PTPRM: variants seen among roughly 807,000 people sequenced by gnomAD.
PTPRM encodes receptor-type tyrosine-protein phosphatase mu.
Under a neutral mutation model 186.7 loss-of-function variants are expected in PTPRM, and 47 were observed. That is an observed-to-expected ratio of 0.25 (90% CI 0.20 to 0.32). The LOEUF is 0.32. PTPRM is among the 10% of genes least tolerant of loss of function. The pLI, the probability that PTPRM is intolerant of heterozygous loss-of-function variation, is 1.00. For missense variants in PTPRM, 1,494 were observed against 1,865.0 expected (o/e 0.80, Z 3.66); for synonymous variants, 668 against 674.9 (o/e 0.99, Z 0.16).
chr18:8,084,380 G>A (rs990400998), intron 9 of PTPRM, among the ~76,000 whole-genome samples: 2 of 152,120 alleles, frequency 1.3e-5, no homozygotes, highest in Non-Finnish European at 2.9e-5. Context: ...GCCACTAGGG[G>A]GTAGATTGGC....
At chr18:8,098,447 A>G (rs894157058) in intron 11 of PTPRM, among the ~76,000 whole-genome samples, 1 of 152,194 alleles carries the variant, frequency 6.6e-6, no homozygotes, top group African/African-American at 2.4e-5. Flanking sequence ...CATTTATTAC[A>G]GATAAGAAGA....
chr18:8,400,517 G>T (rs1475396718), intron 32 of PTPRM, among the ~76,000 whole-genome samples: 1 of 152,222 alleles, frequency 6.6e-6, no homozygotes, highest in Non-Finnish European at 1.5e-5. Context: ...GGATAGACGT[G>T]CCACACGGCT....
At chr18:8,311,913 GCAGCACT>G in intron 20 of PTPRM, among the ~76,000 whole-genome samples, 1 of 152,172 alleles carries the variant, frequency 6.6e-6, no homozygotes, top group African/African-American at 2.4e-5. Context: ...CAGGGAATGA[GCAGCACT>G]CATCCTGAGG....
At chr18:7,642,297 C>G (rs986965917) in intron 1 of PTPRM, among the ~76,000 whole-genome samples, 1 of 152,142 alleles carries the variant, frequency 6.6e-6, no homozygotes, top group Non-Finnish European at 1.5e-5. Flanking sequence ...CATTAAACTC[C>G]TTCCAGAGAA....
At chr18:8,098,774 C>A (rs1600552995) in intron 11 of PTPRM, among the ~76,000 whole-genome samples, 1 of 152,238 alleles carries the variant, frequency 6.6e-6, no homozygotes, top group East Asian at 1.9e-4. Flanking sequence ...CCCTCCCCTC[C>A]TTTTCGCTTT....
intron 2 of PTPRM, among the ~76,000 whole-genome samples, chr18:7,841,919 A>G (rs2046345455): frequency 7.1e-6 from 1 of 141,736 alleles, no homozygotes; most frequent in South Asian, 2.4e-4. Flanking sequence ...AGATATAAAT[A>G]TGACAATTTA....
chr18:8,009,576 C>T (rs1025284899), intron 7 of PTPRM, among the ~76,000 whole-genome samples: 7 of 152,006 alleles, frequency 4.6e-5, no homozygotes, highest in Non-Finnish European at 2.9e-5. Context: ...GGCATGGTGG[C>T]GCACGCCTGT....
At chr18:7,687,842 A>G (rs1241038825) in intron 1 of PTPRM, among the ~76,000 whole-genome samples, 10 of 151,038 alleles carry the variant, frequency 6.6e-5, no homozygotes, top group Admixed American at 1.3e-4. Flanking sequence ...CAGTGGTGCA[A>G]TCTCGGCTCA....
intron 1 of PTPRM, among the ~76,000 whole-genome samples, chr18:7,577,791 G>A (rs1015422659): frequency 8.5e-5 from 13 of 152,174 alleles, no homozygotes; most frequent in African/African-American, 3.1e-4. Flanking sequence ...TGTGAGGGAG[G>A]TTCTCCCTCG....
chr18:8,397,649 G>GACAGC (rs1474042366), intron 32 of PTPRM, among the ~76,000 whole-genome samples: 1 of 152,262 alleles, frequency 6.6e-6, no homozygotes, highest in East Asian at 1.9e-4. Flanking sequence ...GATGGACAAG[G>GACAGC]ACAGCACAGC....
intron 14 of PTPRM, 116 bp from the exon 15 acceptor site, chr18:8,243,942 C>A: frequency 9.5e-7 from 1 of 1,054,828 alleles, no homozygotes. Context: ...ACATCCATCT[C>A]TGAATGAATA....
At chr18:7,725,193 C>T (rs2040521901) in intron 1 of PTPRM, among the ~76,000 whole-genome samples, 2 of 152,178 alleles carry the variant, frequency 1.3e-5, no homozygotes, top group Admixed American at 6.5e-5. Context: ...ATATTTGGGT[C>T]TCCCTACTGA....
chr18:7,880,792 T>G (rs1429407498), intron 2 of PTPRM, among the ~76,000 whole-genome samples: 1 of 152,036 alleles, frequency 6.6e-6, no homozygotes, highest in South Asian at 2.1e-4. Context: ...GGAGGAGGGG[T>G]GTAACCTGGT....
chr18:8,065,599 G>C (rs542010655), intron 7 of PTPRM, among the ~76,000 whole-genome samples: 1 of 152,202 alleles, frequency 6.6e-6, no homozygotes, highest in African/African-American at 2.4e-5. Flanking sequence ...TTTCAGGGAA[G>C]CAGGGAGGCA....
At chr18:8,230,708 A>G (rs1168121550) in intron 14 of PTPRM, among the ~76,000 whole-genome samples, 1 of 152,192 alleles carries the variant, frequency 6.6e-6, no homozygotes, top group Non-Finnish European at 1.5e-5. Flanking sequence ...TTCATGTTGT[A>G]TTTCTGTCAA....
intron 15 of PTPRM, among the ~76,000 whole-genome samples, chr18:8,247,634 A>G (rs1359889518): frequency 3.3e-5 from 5 of 152,174 alleles, no homozygotes; most frequent in Admixed American, 1.3e-4. Context: ...GGGGTAAGAA[A>G]AGTCTTTAAG....
rs567402218 is a variant in PTPRM at position 7,676,688 on chromosome 18, T to TGTGTGC, written c.74-97460_74-97459insTGTGCG. On this transcript the variant is annotated intron_variant, in intron 1 of 32. Coordinates refer to ENST00000580170, the MANE Select transcript of PTPRM (RefSeq NM_001105244.2). ...ATGTGTGTGTGTGTGTGTGTGTGTG[T>TGTGTGC]GCGCGTGCACGCGCACGCGCATGGA... Among the ~76,000 whole-genome samples, 271 of 150,182 alleles carry TGTGTGC rather than the reference T, an allele frequency of 1.8e-3. 2 individuals are homozygous for TGTGTGC. The highest frequency in any genetic ancestry group is 6.8e-3 in the Middle Eastern group (2 of 294).
At chr18:7,647,290 T>C (rs2038588335) in intron 1 of PTPRM, among the ~76,000 whole-genome samples, 1 of 152,216 alleles carries the variant, frequency 6.6e-6, no homozygotes, top group Non-Finnish European at 1.5e-5. Context: ...AAATTCAGAT[T>C]ATTTCTGCAA....
rs747011826 is a variant in PTPRM at position 8,406,372 on chromosome 18, A to G, written c.*210A>G. On this transcript the variant is annotated 3_prime_UTR_variant, in exon 33 of 33. Transcript: ENST00000580170. Reference sequence around the variant, plus strand: ...GCCTGACAGAAACACACACACAGCCACAGTTGCCAAATCCCGTACTCCTTG... The same window carrying G: ...GCCTGACAGAAACACACACACAGCCGCAGTTGCCAAATCCCGTACTCCTTG... 5.3e-6 allele frequency: 3 copies of G among 564,160 alleles called. No homozygotes were observed. Among genetic ancestry groups the G allele is most frequent in the South Asian group, 2.2e-5 (1 of 46,068 alleles). The allele number at this position is 564,160 out of a possible 1,614,324, so 34.9% of individuals were successfully genotyped here.
Sources: allele counts gnomAD v4.1 joint callset (sites outside exome capture counted in the v4.1 genomes callset), GRCh38; gene constraint gnomAD v4.1.1; transcripts MANE v1.5; gene names NCBI Gene and HGNC (gene_info 2026-07-23, HGNC 2026-07-21).